The following NAALADL2 variants were observed in gnomAD, a reference collection of about 807,000 sequenced individuals.
NAALADL2 encodes the protein N-acetylated alpha-linked acidic dipeptidase like 2, also known as inactive N-acetylated-alpha-linked acidic dipeptidase-like protein 2.
A neutral mutation model predicts 87.2 loss-of-function variants in NAALADL2; 76 were observed. The ratio of observed to expected loss-of-function variants is 0.87; its 90% CI spans 0.72 to 1.05. NAALADL2 has a LOEUF of 1.05. NAALADL2 is among the 50% of genes least tolerant of loss of function. NAALADL2 has a pLI of 0.00. For missense variants in NAALADL2, 1,089 were observed against 945.8 expected (o/e 1.15, Z -1.99); for synonymous variants, 354 against 331.0 (o/e 1.07, Z -0.75).
chr3:175,227,189 C>T (rs1379866337), intron 2 of NAALADL2, among the ~76,000 whole-genome samples: 2 of 152,004 alleles, frequency 1.3e-5, no homozygotes, highest in Non-Finnish European at 2.9e-5. Context: ...TCTTGGCATT[C>T]AACCTGGTGT....
At chr3:175,570,861 C>T (rs1438666669) in intron 9 of NAALADL2, among the ~76,000 whole-genome samples, 1 of 128,538 alleles carries the variant, frequency 7.8e-6, no homozygotes, top group Non-Finnish European at 1.6e-5. Context: ...GCCTGGGTGA[C>T]ATAGTGAGAC....
Position 175,803,366 on chromosome 3 carries a change from A to C in NAALADL2, c.*163A>C. On this transcript the variant is annotated 3_prime_UTR_variant, in exon 14 of 14. Coordinates refer to ENST00000454872, the MANE Select transcript of NAALADL2 (RefSeq NM_207015.3). ...TTTTAAATGTAAATATAGAAAGAAC[A>C]TTTTGCACATTTAATATTTTTCTTA... 2.3e-6 allele frequency: 1 copy of C among 437,070 alleles called. No homozygotes were observed. The highest frequency in any genetic ancestry group is 4.0e-6 in the Non-Finnish European group (1 of 249,366). 27.1% of individuals were successfully genotyped at this position (437,070 alleles called of 1,614,324 possible).
chr3:175,579,919 A>T (rs971897852), intron 10 of NAALADL2, among the ~76,000 whole-genome samples: 2 of 152,144 alleles, frequency 1.3e-5, no homozygotes, highest in African/African-American at 4.8e-5. Context: ...AGCAAGCTTC[A>T]TATCATAAAT....
intron 3 of NAALADL2, among the ~76,000 whole-genome samples, chr3:175,253,251 G>A (rs1311831618): frequency 2.0e-5 from 3 of 152,158 alleles, no homozygotes; most frequent in African/African-American, 4.8e-5. Context: ...TGAAGCCAGT[G>A]CTCATTTACC....
intron 1 of NAALADL2, among the ~76,000 whole-genome samples, chr3:174,865,282 T>A (rs1727014311): frequency 6.6e-6 from 1 of 152,050 alleles, no homozygotes; most frequent in Non-Finnish European, 1.5e-5. Context: ...ATGCAGTTTA[T>A]AATGAACATG....
chr3:175,402,658 C>G (rs1182784124), intron 5 of NAALADL2, among the ~76,000 whole-genome samples: 1 of 152,022 alleles, frequency 6.6e-6, no homozygotes, highest in African/African-American at 2.4e-5. Context: ...CAGAGCCTTT[C>G]CAACGTGCCA....
chr3:175,368,373 A>C lies in NAALADL2; in HGVS notation c.1090+44048A>C, dbSNP rs990962747. On this transcript the variant is annotated intron_variant, in intron 5 of 13. Coordinates refer to ENST00000454872, the MANE Select transcript of NAALADL2 (RefSeq NM_207015.3). ...TATCAGGATGATGCTGGCCTCATAA[A>C]ATGAGTTAGGGAGGTTTCCCTCTTT... 4.6e-5 allele frequency among the ~76,000 whole-genome samples: 7 copies of C among 152,106 alleles called. No homozygotes were observed. The South Asian group carries it at 1.2e-3, about 27-fold the overall frequency.
chr3:175,532,433 A>C (rs1237754149), intron 9 of NAALADL2, among the ~76,000 whole-genome samples: 1 of 152,158 alleles, frequency 6.6e-6, no homozygotes, highest in African/African-American at 2.4e-5. Context: ...CCTTTCATTC[A>C]CTGGTGTCTG....
chr3:175,337,400 T>C (rs1007845701), intron 5 of NAALADL2, among the ~76,000 whole-genome samples: 16 of 152,128 alleles, frequency 1.1e-4, no homozygotes, highest in African/African-American at 3.9e-4. Flanking sequence ...CAGAATAGGA[T>C]TGTATTTGGA....
At chr3:175,480,758 C>T (rs987834247) in intron 9 of NAALADL2, among the ~76,000 whole-genome samples, 3 of 151,682 alleles carry the variant, frequency 2.0e-5, no homozygotes, top group African/African-American at 7.3e-5. Flanking sequence ...TGTACAATCC[C>T]TAAATAAGGT....
rs116339914 is a variant in NAALADL2, at chr3:175,334,941, T to C, written c.1090+10616T>C. ...TGTATGCCGTTTCTGCAATCAGTCA[T>C]TGGAAGTGTGCCTCCCCCAGAACGT... On this transcript the variant is annotated intron_variant, in intron 5 of 13. Coordinates refer to ENST00000454872, the MANE Select transcript of NAALADL2 (RefSeq NM_207015.3). Among the ~76,000 whole-genome samples the C allele has an allele frequency of 7.8e-3, 1,193 of 152,202 alleles. 14 individuals carry two copies. The highest frequency in any genetic ancestry group is 0.028 in the African/African-American group (1,144 of 41,532).
At chr3:175,557,185 C>A (rs1235298365) in intron 9 of NAALADL2, among the ~76,000 whole-genome samples, 1 of 152,188 alleles carries the variant, frequency 6.6e-6, no homozygotes, top group Non-Finnish European at 1.5e-5. Context: ...ATGGAAAATA[C>A]ATGCTCATTA....
At position 175,804,113 on chromosome 3, in the gene NAALADL2, A is replaced by C. The variant is rs1378056310; in HGVS notation, c.*910A>C. On this transcript the variant is annotated 3_prime_UTR_variant, in exon 14 of 14. Coordinates refer to ENST00000454872, the MANE Select transcript of NAALADL2 (RefSeq NM_207015.3). ...TAAGGCAGCTTTCTCAGAGTACTAT[A>C]TATTTTCAACAGTAAAGTAGCAGAG... 1 of 151,960 alleles carries C rather than the reference A, an allele frequency of 6.6e-6. No homozygotes were observed. Among genetic ancestry groups the C allele is most frequent in the South Asian group, 2.1e-4 (1 of 4,836 alleles). 9.4% of individuals were successfully genotyped at this position (151,960 alleles called of 1,614,324 possible). A position where few individuals can be genotyped will look rare whatever the true frequency, so the allele number is the denominator to read the frequency against.
chr3:175,347,221 C>G (rs978434568), intron 5 of NAALADL2, among the ~76,000 whole-genome samples: 1 of 152,166 alleles, frequency 6.6e-6, no homozygotes, highest in Non-Finnish European at 1.5e-5. Flanking sequence ...TCCCTTTCGT[C>G]AAGTGGTGAA....
chr3:174,664,573 G>A (rs991693368), intron 2 of NAALADL2, among the ~76,000 whole-genome samples: 5 of 152,080 alleles, frequency 3.3e-5, no homozygotes, highest in Non-Finnish European at 7.4e-5. Flanking sequence ...CTTTCTTGCT[G>A]GCATCAGTTA....
At chr3:175,187,010 T>G (rs575408248) in intron 2 of NAALADL2, among the ~76,000 whole-genome samples, 1 of 152,258 alleles carries the variant, frequency 6.6e-6, no homozygotes, top group Admixed American at 6.5e-5. Flanking sequence ...GTCTTTTATT[T>G]TATAATAAAT....
intron 13 of NAALADL2, among the ~76,000 whole-genome samples, chr3:175,794,432 A>G (rs1164644486): frequency 6.6e-6 from 1 of 152,180 alleles, no homozygotes; most frequent in Admixed American, 6.5e-5. Flanking sequence ...CAAATTCTGA[A>G]AGGCACTAAG....
chr3:175,601,844 A>T (rs1313326026), intron 10 of NAALADL2, among the ~76,000 whole-genome samples: 9 of 152,214 alleles, frequency 5.9e-5, no homozygotes, highest in African/African-American at 2.2e-4. Flanking sequence ...TACTTTGAAT[A>T]AAGATATATG....
chr3:175,730,802 T>C (rs1294583587), intron 11 of NAALADL2, among the ~76,000 whole-genome samples: 2 of 152,074 alleles, frequency 1.3e-5, no homozygotes, highest in African/African-American at 2.4e-5. Context: ...AGGGCTAGTA[T>C]GGTCAGAGAA....
Sources: allele counts gnomAD v4.1 joint callset (sites outside exome capture counted in the v4.1 genomes callset), GRCh38; gene constraint gnomAD v4.1.1; transcripts MANE v1.5; gene names NCBI Gene and HGNC (gene_info 2026-07-23, HGNC 2026-07-21).